Variants in NDFIP1 observed in about 807,000 individuals in gnomAD.
NDFIP1 encodes the protein Nedd4 family interacting protein 1, also known as NEDD4 family-interacting protein 1.
Under a neutral mutation model 28.8 loss-of-function variants are expected in NDFIP1, and 7 were observed. That is an observed-to-expected ratio of 0.24 (90% CI 0.14 to 0.46). The LOEUF (loss-of-function observed/expected upper bound fraction) is 0.46, where lower values mean the gene tolerates loss of function less well. Ranked by LOEUF, NDFIP1 falls within the 20% of genes least tolerant of loss-of-function variation. NDFIP1 has a pLI of 0.99. For missense variants in NDFIP1, 194 were observed against 269.1 expected (o/e 0.72, Z 1.95); for synonymous variants, 92 against 101.0 (o/e 0.91, Z 0.53).
At chr5:142,146,996 G>A (rs1757396032) in intron 7 of NDFIP1, among the ~76,000 whole-genome samples, 1 of 152,162 alleles carries the variant, frequency 6.6e-6, no homozygotes, top group South Asian at 2.1e-4. Flanking sequence ...AGATTCAAGT[G>A]TTGAGCCTGC....
intron 1 of NDFIP1, among the ~76,000 whole-genome samples, chr5:142,116,791 A>G (rs1401480544): frequency 2.0e-5 from 3 of 151,840 alleles, no homozygotes; most frequent in Non-Finnish European, 2.9e-5. Context: ...GCTCACTGCA[A>G]TCTCCGCCTC....
At chr5:142,129,414 A>C (rs1321394125) in intron 1 of NDFIP1, among the ~76,000 whole-genome samples, 1 of 152,216 alleles carries the variant, frequency 6.6e-6, no homozygotes, top group Non-Finnish European at 1.5e-5. Flanking sequence ...TTAAAAGGAA[A>C]AATTATCTTA....
chr5:142,143,028 A>G (rs2126922349), intron 6 of NDFIP1: 1 of 147,214 alleles, frequency 6.8e-6, no homozygotes, highest in East Asian at 2.0e-4. Context: ...CATTTTGGGA[A>G]CTTCCCTTTT....
At chr5:142,118,473 A>G (rs547148817) in intron 1 of NDFIP1, among the ~76,000 whole-genome samples, 2 of 152,286 alleles carry the variant, frequency 1.3e-5, no homozygotes, top group Non-Finnish European at 2.9e-5. Flanking sequence ...CCACAGGTAA[A>G]GTGCTGTTCT....
rs562805783 is a variant in NDFIP1, at chr5:142,119,320, C to G, written c.63+10283C>G. Among the ~76,000 whole-genome samples the G allele has an allele frequency of 5.9e-5, 9 of 152,340 alleles. No homozygotes were observed. In the South Asian group the frequency reaches 1.0e-3, roughly 18 times the overall value. On this transcript the variant is annotated intron_variant, in intron 1 of 7. Transcript: ENST00000253814. Reference sequence around the variant, plus strand: ...AAGTTGTATCAGAATTATTAACCCACACCCCTGTGGGAAATAGTATTATAA... The same window carrying G: ...AAGTTGTATCAGAATTATTAACCCAGACCCCTGTGGGAAATAGTATTATAA...
intron 1 of NDFIP1, among the ~76,000 whole-genome samples, chr5:142,128,959 A>G (rs549528535): frequency 2.0e-4 from 30 of 152,264 alleles, no homozygotes; most frequent in South Asian, 6.2e-4. Flanking sequence ...AAATATTGTC[A>G]TAGAAGACCT....
intron 7 of NDFIP1, among the ~76,000 whole-genome samples, chr5:142,150,199 AAT>A (rs3079929): frequency 3.6e-3 from 65 of 18,190 alleles, no homozygotes; most frequent in African/African-American, 0.021. Context: ...AAAAAAAAAA[AAT>A]ATATAGAAAC....
intron 7 of NDFIP1, among the ~76,000 whole-genome samples, chr5:142,148,488 C>G (rs1338040555): frequency 6.6e-6 from 1 of 152,050 alleles, no homozygotes; most frequent in East Asian, 1.9e-4. Context: ...CAGTGGCTCA[C>G]GCCTGTAATC....
Position 142,153,383 on chromosome 5 carries a change from T to C in NDFIP1, c.*1655T>C, listed in dbSNP as rs1488495262. On this transcript the variant is annotated 3_prime_UTR_variant, in exon 8 of 8. Coordinates refer to ENST00000253814, the MANE Select transcript of NDFIP1 (RefSeq NM_030571.4). The stretch of plus-strand genomic sequence containing the variant: ...AATGTCCATTCATCTGCTGTGTATG[T>C]ATATCCAGAATCAGCATAGGAAGTC... The C allele has an allele frequency of 4.4e-6, 2 of 456,830 alleles. No homozygotes were observed. The highest frequency in any genetic ancestry group is 8.8e-6 in the Non-Finnish European group (2 of 227,014). 28.3% of individuals were successfully genotyped at this position (456,830 alleles called of 1,614,324 possible). A position where few individuals can be genotyped will look rare whatever the true frequency, so the allele number is the denominator to read the frequency against.
intron 7 of NDFIP1, among the ~76,000 whole-genome samples, chr5:142,148,584 C>G (rs1305784522): frequency 2.6e-5 from 4 of 151,834 alleles, no homozygotes; most frequent in Non-Finnish European, 5.9e-5. Context: ...AACCCCGTCT[C>G]TACTAAAGAT....
chr5:142,149,670 T>TTTTAA (rs1757425760), intron 7 of NDFIP1, among the ~76,000 whole-genome samples: 1 of 152,172 alleles, frequency 6.6e-6, no homozygotes, highest in Admixed American at 6.6e-5. Context: ...AGATATTTTA[T>TTTTAA]TTTAATTTAA....
chr5:142,108,797 T>TCGGCGGCGGCGG lies in NDFIP1; in HGVS notation c.-174_-163dup. The stretch of plus-strand genomic sequence containing the variant: ...CTTCCCCAGGGGCCGCGTCGGAGCC[T>TCGGCGGCGGCGG]CGGCGGCGGCGGCGGTGCTTACAGC... On this transcript the variant is annotated 5_prime_UTR_variant, in exon 1 of 8. Transcript: ENST00000253814. The TCGGCGGCGGCGG allele has an allele frequency of 2.2e-6, 1 of 455,578 alleles. No homozygotes were observed. Among genetic ancestry groups the TCGGCGGCGGCGG allele is most frequent in the Non-Finnish European group, 3.7e-6 (1 of 272,354 alleles). 28.2% of individuals were successfully genotyped at this position (455,578 alleles called of 1,614,324 possible).
chr5:142,115,630 C>T (rs988463120), intron 1 of NDFIP1, among the ~76,000 whole-genome samples: 1 of 152,140 alleles, frequency 6.6e-6, no homozygotes, highest in African/African-American at 2.4e-5. Flanking sequence ...AACTTTAATA[C>T]TTCTGTTCCA....
intron 1 of NDFIP1, among the ~76,000 whole-genome samples, chr5:142,111,834 AGGTG>A (rs1757017274): frequency 6.6e-6 from 1 of 152,186 alleles, no homozygotes; most frequent in African/African-American, 2.4e-5. Flanking sequence ...TGGGAGGCCG[AGGTG>A]GGCGGATCAC....
intron 6 of NDFIP1, chr5:142,142,940 A>AAATATACATATAT (rs60076432): frequency 2.6e-5 from 1 of 38,160 alleles, no homozygotes; most frequent in Admixed American, 4.0e-4. Context: ...AAAAAAAAAA[A>AAATATACATATAT]ATATATATAT....
At chr5:142,118,571 C>T (rs1757092352) in intron 1 of NDFIP1, among the ~76,000 whole-genome samples, 1 of 152,132 alleles carries the variant, frequency 6.6e-6, no homozygotes, top group Non-Finnish European at 1.5e-5. Context: ...TAGTGTTTCT[C>T]AGGTTTCTCT....
At chr5:142,112,317 A>G (rs1024792485) in intron 1 of NDFIP1, among the ~76,000 whole-genome samples, 4 of 151,636 alleles carry the variant, frequency 2.6e-5, no homozygotes, top group African/African-American at 9.7e-5. Context: ...CCTGGGAGGC[A>G]GATGTTTCAG....
intron 5 of NDFIP1, among the ~76,000 whole-genome samples, 159 bp from the exon 6 acceptor site, chr5:142,140,404 C>T (rs946365416): frequency 7.3e-5 from 11 of 150,096 alleles, no homozygotes; most frequent in Admixed American, 3.3e-4. Flanking sequence ...GCCGAGATCA[C>T]GCCATTGCAC....
intron 1 of NDFIP1, among the ~76,000 whole-genome samples, chr5:142,113,847 T>G: frequency 6.6e-6 from 1 of 152,216 alleles, no homozygotes; most frequent in Admixed American, 6.5e-5. Flanking sequence ...GCATAATGTC[T>G]TCAGAGTTCA....
Sources: gnomAD v4.1 joint callset for allele counts (sites outside exome capture counted in the v4.1 genomes callset) on GRCh38, gnomAD v4.1.1 for gene constraint, MANE v1.5 for transcripts, NCBI Gene and HGNC (gene_info 2026-07-23, HGNC 2026-07-21) for gene names.